The following TBC1D15 variants were observed in gnomAD, a reference collection of about 807,000 sequenced individuals.
TBC1D15 encodes the protein TBC1 domain family member 15.
A neutral mutation model predicts 95.4 loss-of-function variants in TBC1D15; 39 were observed. That is an observed-to-expected ratio of 0.41 (90% CI 0.32 to 0.53). The LOEUF (loss-of-function observed/expected upper bound fraction) is 0.53, where lower values mean the gene tolerates loss of function less well. Among genes scored for constraint, TBC1D15 ranks in the 20% least tolerant of loss-of-function variants. The pLI is 0.29. For missense variants in TBC1D15, 733 were observed against 794.3 expected, an observed-to-expected ratio of 0.92 and a Z score of 0.93; for synonymous variants, 258 against 261.3, an observed-to-expected ratio of 0.99 and a Z score of 0.12.
intron 10 of TBC1D15, among the ~76,000 whole-genome samples, chr12:71,899,969 AAAACC>A (rs1898991785): frequency 6.6e-6 from 1 of 152,064 alleles, no homozygotes; most frequent in South Asian, 2.1e-4. Flanking sequence ...AAAACAAAAC[AAAACC>A]AAAAAAAGTA....
Position 71,923,669 on chromosome 12 carries a change from C to T in TBC1D15, c.*465C>T, listed in dbSNP as rs559067791. Reference sequence around the variant, plus strand: ...GGATTTTTTTCTCTATTGTTTACGACAGTACTCAGCTTAAATATTTATGCT... The same window carrying T: ...GGATTTTTTTCTCTATTGTTTACGATAGTACTCAGCTTAAATATTTATGCT... On this transcript the variant is annotated 3_prime_UTR_variant, in exon 17 of 17. Transcript: ENST00000485960. 6.4e-6 allele frequency: 1 copy of T among 155,700 alleles called. No homozygotes were observed. Among genetic ancestry groups the T allele is most frequent in the South Asian group, 2.0e-4 (1 of 5,072 alleles). 9.6% of individuals were successfully genotyped at this position (155,700 alleles called of 1,614,324 possible).
intron 1 of TBC1D15, among the ~76,000 whole-genome samples, chr12:71,851,192 GA>G (rs1208466903): frequency 6.6e-6 from 1 of 152,024 alleles, no homozygotes; most frequent in East Asian, 1.9e-4. Flanking sequence ...GAGGAAGGGG[GA>G]GGGGGAGGTG....
chr12:71,871,072 T>A (rs563920111), intron 1 of TBC1D15, among the ~76,000 whole-genome samples: 6 of 152,276 alleles, frequency 3.9e-5, no homozygotes, highest in East Asian at 1.9e-4. Context: ...ATTAAAAAAA[T>A]TTTTAAATGG....
chr12:71,921,230 C>T (rs17110428), intron 15 of TBC1D15, 138 bp from the exon 16 acceptor site: 54,320 of 430,296 alleles, frequency 0.13, 5,398 homozygotes, highest in African/African-American at 0.38. Flanking sequence ...GAATTTCTTA[C>T]GTATTTGTAG....
chr12:71,865,518 C>G (rs1891299469), intron 1 of TBC1D15, among the ~76,000 whole-genome samples: 1 of 152,108 alleles, frequency 6.6e-6, no homozygotes, highest in Non-Finnish European at 1.5e-5. Flanking sequence ...TATCCAGACT[C>G]TGTGAGTCGA....
chr12:71,864,939 C>T (rs745999139), intron 1 of TBC1D15, among the ~76,000 whole-genome samples: 5 of 152,160 alleles, frequency 3.3e-5, no homozygotes, highest in South Asian at 2.1e-4. Flanking sequence ...ACCTCAGTGG[C>T]GTAGGTTGTA....
intron 6 of TBC1D15, among the ~76,000 whole-genome samples, chr12:71,893,839 G>T (rs926956281): frequency 1.3e-5 from 2 of 151,874 alleles, no homozygotes; most frequent in African/African-American, 4.8e-5. Context: ...GTAAAGTAAT[G>T]AGATGGTTTA....
intron 1 of TBC1D15, among the ~76,000 whole-genome samples, chr12:71,856,129 G>C (rs1229742706): frequency 1.3e-5 from 2 of 152,146 alleles, no homozygotes; most frequent in East Asian, 1.9e-4. Context: ...TTCTCTGCCA[G>C]ATGAACTGGA....
intron 14 of TBC1D15, 47 bp downstream of exon 14, chr12:71,918,595 A>T (rs1868256127): frequency 8.0e-7 from 1 of 1,250,272 alleles, no homozygotes; most frequent in South Asian, 1.3e-5. Context: ...TTATGAAAAG[A>T]AACAATTTAT....
At chr12:71,920,552 C>T (rs1242109856) in intron 14 of TBC1D15, among the ~76,000 whole-genome samples, 179 bp from the exon 15 acceptor site, 1 of 152,100 alleles carries the variant, frequency 6.6e-6, no homozygotes, top group Non-Finnish European at 1.5e-5. Flanking sequence ...ATGATAGTTA[C>T]TTTGTAGCTG....
chr12:71,917,844 G>A (rs760920784), intron 13 of TBC1D15, 47 bp downstream of exon 13: 5 of 1,262,532 alleles, frequency 4.0e-6, no homozygotes, highest in Admixed American at 1.8e-5. Context: ...GTAGAGTAAT[G>A]CATAGAAAAA....
Position 71,923,138 on chromosome 12 carries a change from A to C in TBC1D15, c.1959A>C (p.Gly653=). ...CCTTGCCTACACTCTCTGCCAGTGG[A>C]GCCAGAAATGACAGCCCAACACAGA... The part of the protein sequence containing the change: ...SNALPTLSAS[G]ARNDSPTQIP... Residue 653 remains glycine (G), a synonymous_variant, in exon 17 of 17, where the codon GGA becomes GGC. Coordinates refer to ENST00000485960, the MANE Select transcript of TBC1D15 (RefSeq NM_001146213.3). The C allele has an allele frequency of 6.2e-7, 1 of 1,614,218 alleles. No homozygotes were observed. Among genetic ancestry groups the C allele is most frequent in the Non-Finnish European group, 8.5e-7 (1 of 1,180,034 alleles).
intron 1 of TBC1D15, 98 bp from the exon 2 acceptor site, chr12:71,871,972 T>G (rs1892800271): frequency 2.1e-6 from 1 of 469,402 alleles, no homozygotes; most frequent in South Asian, 8.1e-5. Context: ...AATCAGAAAC[T>G]TGGCCAAGTA....
At position 71,921,374 on chromosome 12, in the gene TBC1D15, A is replaced by G; in HGVS notation, c.1723A>G (p.Asn575Asp). The G allele has an allele frequency of 1.9e-6, 3 of 1,556,222 alleles. No individual in the cohort carries two copies. The highest frequency in any genetic ancestry group is 2.6e-6 in the Non-Finnish European group (3 of 1,145,260). The change falls in exon 16 of 17, where the codon AAT becomes GAT. Residue 575 changes from asparagine (N) to aspartate (D), a missense_variant. Asn to Asp is a conservative substitution (Grantham distance 23). Coordinates refer to ENST00000485960, the MANE Select transcript of TBC1D15 (RefSeq NM_001146213.3). ...TTTTGTTGATACTTTTTAGCATATCAATGAATTGTCCATGAAAATTGATGT... is the reference window on the plus strand; with the variant it reads ...TTTTGTTGATACTTTTTAGCATATCGATGAATTGTCCATGAAAATTGATGT... ...YGFNEILKHINELSMKIDVED... is the reference protein window; with the variant it reads ...YGFNEILKHIDELSMKIDVED...
intron 1 of TBC1D15, among the ~76,000 whole-genome samples, chr12:71,870,080 A>G (rs913766698): frequency 1.3e-5 from 2 of 152,176 alleles, no homozygotes; most frequent in South Asian, 2.1e-4. Flanking sequence ...AGCATACTAT[A>G]TATACATGAT....
At chr12:71,865,504 GC>G (rs1891296852) in intron 1 of TBC1D15, among the ~76,000 whole-genome samples, 1 of 152,144 alleles carries the variant, frequency 6.6e-6, no homozygotes, top group African/African-American at 2.4e-5. Context: ...GTGGGGCTTG[GC>G]AGTATCCAGA....
chr12:71,883,810 G>T (rs1895692187), intron 4 of TBC1D15, among the ~76,000 whole-genome samples: 1 of 152,140 alleles, frequency 6.6e-6, no homozygotes. Flanking sequence ...GAGTTAAATT[G>T]TTAAAATGGT....
At chr12:71,842,507 T>C (rs1359234217) in intron 1 of TBC1D15, among the ~76,000 whole-genome samples, 1 of 152,040 alleles carries the variant, frequency 6.6e-6, no homozygotes, top group African/African-American at 2.4e-5. Context: ...ATAATAGGTA[T>C]TCAGTGAAGA....
At chr12:71,874,089 C>T (rs1011411000) in intron 3 of TBC1D15, among the ~76,000 whole-genome samples, 2 of 152,164 alleles carry the variant, frequency 1.3e-5, no homozygotes, top group African/African-American at 2.4e-5. Flanking sequence ...CTGATAATCT[C>T]ATTTTAACTT....
Sources: allele counts gnomAD v4.1 joint callset (sites outside exome capture counted in the v4.1 genomes callset), GRCh38; gene constraint gnomAD v4.1.1; transcripts MANE v1.5; gene names NCBI Gene and HGNC (gene_info 2026-07-23, HGNC 2026-07-21).